TLN2: variants seen among roughly 807,000 people sequenced by gnomAD.
TLN2 encodes the protein talin-2.
In TLN2, 118 loss-of-function variants were observed where a neutral mutation model predicts 294.7. The observed-to-expected ratio is 0.40, with a 90% CI of 0.34 to 0.47. The LOEUF is 0.47. Among genes scored for constraint, TLN2 ranks in the 20% least tolerant of loss-of-function variants. The pLI is 0.84. For missense variants in TLN2, 3,083 were observed against 3,282.2 expected, an observed-to-expected ratio of 0.94 and a Z score of 1.48; for synonymous variants, 1,431 against 1,304.5, an observed-to-expected ratio of 1.10 and a Z score of -2.09.
At chr15:62,778,962 G>A (rs1318131627) in intron 43 of TLN2, among the ~76,000 whole-genome samples, 1 of 152,236 alleles carries the variant, frequency 6.6e-6, no homozygotes, top group South Asian at 2.1e-4. Context: ...TTGGGTCCCT[G>A]TGCAGCAAGC....
intron 3 of TLN2, among the ~76,000 whole-genome samples, chr15:62,644,036 C>T (rs190937644): frequency 1.0e-3 from 152 of 152,156 alleles, no homozygotes; most frequent in African/African-American, 3.4e-3. Flanking sequence ...TCTGAGCTAC[C>T]GCCTGTTCCT....
intron 10 of TLN2, among the ~76,000 whole-genome samples, chr15:62,674,181 A>G (rs1236874867): frequency 1.3e-5 from 2 of 152,228 alleles, no homozygotes; most frequent in African/African-American, 2.4e-5. Context: ...GACTGTTAAC[A>G]TGCATTGAGG....
At chr15:62,696,313 T>C (rs2058330927) in intron 14 of TLN2, among the ~76,000 whole-genome samples, 1 of 152,254 alleles carries the variant, frequency 6.6e-6, no homozygotes, top group Non-Finnish European at 1.5e-5. Context: ...GTTTGTCCAC[T>C]GGGCTTCTGA....
intron 1 of TLN2, among the ~76,000 whole-genome samples, chr15:62,514,318 G>A (rs748476328): frequency 6.6e-6 from 1 of 152,132 alleles, no homozygotes; most frequent in Non-Finnish European, 1.5e-5. Context: ...TCTTCATTGT[G>A]GCAGTGAAGT....
At chr15:62,526,547 A>T (rs1402412572) in intron 1 of TLN2, among the ~76,000 whole-genome samples, 1 of 152,152 alleles carries the variant, frequency 6.6e-6, no homozygotes, top group East Asian at 1.9e-4. Flanking sequence ...CTGGTTTGGA[A>T]TGCCTGGTTA....
intron 1 of TLN2, among the ~76,000 whole-genome samples, chr15:62,568,027 G>T (rs1429937801): frequency 6.6e-6 from 1 of 152,152 alleles, no homozygotes; most frequent in Admixed American, 6.5e-5. Flanking sequence ...CCCCTACTGA[G>T]TTGAGTTCTC....
intron 1 of TLN2, among the ~76,000 whole-genome samples, chr15:62,585,089 G>T (rs1371700756): frequency 6.6e-6 from 1 of 152,162 alleles, no homozygotes; most frequent in Non-Finnish European, 1.5e-5. Context: ...ATGACAAATG[G>T]GTTCTTGGCT....
At chr15:62,561,637 TG>T (rs2042966034) in intron 1 of TLN2, among the ~76,000 whole-genome samples, 1 of 152,198 alleles carries the variant, frequency 6.6e-6, no homozygotes, top group African/African-American at 2.4e-5. Flanking sequence ...GCGCTTTCTA[TG>T]GAGTTGAGGA....
rs2055817535 is a variant in TLN2 at position 62,673,982 on chromosome 15, C to T, written c.852+92C>T. ...GCCTCTGCGCATGGTAGTTTTATAC[C>T]TCGTGCCTGTACTCTGATATAATAA... On this transcript the variant is annotated intron_variant, in intron 10 of 58. Transcript: ENST00000636159. 4.3e-6 allele frequency: 4 copies of T among 928,796 alleles called. No individual in the cohort carries two copies. The East Asian group carries it at 7.4e-5, about 17-fold the overall frequency. The allele number at this position is 928,796 out of a possible 1,614,324, so 57.5% of individuals were successfully genotyped here. A position where few individuals can be genotyped will look rare whatever the true frequency, so the allele number is the denominator to read the frequency against.
At position 62,701,996 on chromosome 15, in the gene TLN2, C is replaced by G; in HGVS notation, c.1701C>G (p.Asp567Glu). The G allele has an allele frequency of 6.2e-7, 1 of 1,614,076 alleles. No homozygotes were observed. Among genetic ancestry groups the G allele is most frequent in the Non-Finnish European group, 8.5e-7 (1 of 1,180,028 alleles). ...GATGGTTCTTTTCTGTGCCAGGTGA[C>G]CCTGCAGACACTGACTACACAGCTG... ...TASVVNLTAGDPADTDYTAVG... is the reference protein window; with the variant it reads ...TASVVNLTAGEPADTDYTAVG... Residue 567 changes from aspartate to glutamate, a missense_variant, in exon 18 of 59, where the codon GAC becomes GAG. Coordinates refer to ENST00000636159, the MANE Select transcript of TLN2 (RefSeq NM_015059.3).
At chr15:62,658,113 A>C in intron 9 of TLN2, 1 of 395,874 alleles carries the variant, frequency 2.5e-6, no homozygotes, top group Non-Finnish European at 4.5e-6. Flanking sequence ...AAATTCAGTG[A>C]TCTGTGTCCC....
intron 1 of TLN2, among the ~76,000 whole-genome samples, chr15:62,414,375 G>A (rs896814517): frequency 4.4e-5 from 6 of 137,164 alleles, no homozygotes; most frequent in Non-Finnish European, 9.2e-5. Flanking sequence ...ACTGAATCCA[G>A]TAAGAAGCTA....
intron 1 of TLN2, among the ~76,000 whole-genome samples, chr15:62,447,400 A>G (rs916322674): frequency 2.0e-5 from 3 of 151,996 alleles, no homozygotes; most frequent in East Asian, 1.9e-4. Flanking sequence ...CTGTGAGACA[A>G]GTGAATGGAA....
intron 1 of TLN2, among the ~76,000 whole-genome samples, chr15:62,391,648 G>T (rs1160839900): frequency 6.6e-6 from 1 of 152,210 alleles, no homozygotes; most frequent in Admixed American, 6.5e-5. Flanking sequence ...TTTGCGCGCC[G>T]AGGCAGGCGC....
Position 62,698,784 on chromosome 15 carries a change from A to G in TLN2, c.1504A>G (p.Ile502Val), listed in dbSNP as rs1325333919. 1 of 1,612,098 alleles carries G rather than the reference A, an allele frequency of 6.2e-7. No individual in the cohort carries two copies. The highest frequency in any genetic ancestry group is 1.7e-5 in the Admixed American group (1 of 60,022). The change falls in exon 16 of 59, where the codon ATC becomes GTC. Residue 502 changes from isoleucine to valine, a missense_variant. Physicochemically the swap from Ile to Val is conservative, Grantham distance 29. Transcript: ENST00000636159. Reference protein sequence around the residue: ...TSAQQALMGTINTSMHAVQQA... With the variant: ...TSAQQALMGTVNTSMHAVQQA... The stretch of plus-strand genomic sequence containing the variant: ...AGCCCAGCAGGCCCTGATGGGGACC[A>G]TCAACACAAGCATGCACGCCGTCCA...
chr15:62,839,633 G>A (rs563079192), intron 58 of TLN2, among the ~76,000 whole-genome samples: 31 of 152,298 alleles, frequency 2.0e-4, no homozygotes, highest in African/African-American at 4.8e-4. Flanking sequence ...TCTCCATCTC[G>A]TAAATCCATT....
At chr15:62,740,504 A>T in intron 31 of TLN2, 126 bp from the exon 32 acceptor site, 1 of 1,265,046 alleles carries the variant, frequency 7.9e-7, no homozygotes. Context: ...TCTGCGGGCT[A>T]ACTGGGTTTA....
At chr15:62,788,118 C>T (rs2064824605) in intron 45 of TLN2, among the ~76,000 whole-genome samples, 1 of 151,644 alleles carries the variant, frequency 6.6e-6, no homozygotes, top group Non-Finnish European at 1.5e-5. Context: ...CGAGACCAGC[C>T]TGGGCAACAT....
At chr15:62,641,794 G>A (rs980114908) in intron 3 of TLN2, among the ~76,000 whole-genome samples, 9 of 152,168 alleles carry the variant, frequency 5.9e-5, no homozygotes, top group East Asian at 1.9e-4. Context: ...CTCAAGTCAC[G>A]CAGCTGGTAA....
Sources: allele counts gnomAD v4.1 joint callset (sites outside exome capture counted in the v4.1 genomes callset), GRCh38; gene constraint gnomAD v4.1.1; transcripts MANE v1.5; gene names NCBI Gene and HGNC (gene_info 2026-07-23, HGNC 2026-07-21).